Variants in EYA1 observed in about 807,000 individuals in gnomAD.
EYA1 encodes the protein EYA transcriptional coactivator and phosphatase 1.
A neutral mutation model predicts 82.0 loss-of-function variants in EYA1; 16 were observed. That is an observed-to-expected ratio of 0.20 (90% CI 0.13 to 0.30). The LOEUF (loss-of-function observed/expected upper bound fraction) is 0.30. Among genes scored for constraint, EYA1 ranks in the 10% least tolerant of loss-of-function variants. The probability of loss-of-function intolerance (pLI) is 1.00; values close to 1 mark genes in which losing one functional copy is unlikely to be tolerated. For synonymous variants in EYA1, 261 were observed against 264.4 expected (o/e 0.99, Z 0.12); for missense variants, 633 against 730.7 (o/e 0.87, Z 1.54).
At chr8:71,467,418 G>C (rs1331743866) in intron 2 of EYA1, among the ~76,000 whole-genome samples, 1 of 152,068 alleles carries the variant, frequency 6.6e-6, no homozygotes, top group Non-Finnish European at 1.5e-5. Flanking sequence ...TTTCTTCTAA[G>C]AAGGAACAAT....
In EYA1 at chr8:71,381,999, T is replaced by C. The variant is rs114817757; in HGVS notation, c.34-25488A>G. Among the ~76,000 whole-genome samples the C allele has an allele frequency of 1.4e-3, 207 of 152,350 alleles. 1 individual carries two copies. Among genetic ancestry groups the C allele is most frequent in the African/African-American group, 4.8e-3 (199 of 41,580 alleles). On this transcript the variant is annotated intron_variant, in intron 2 of 18. Transcript: ENST00000643681. ...TTGTTTTACATCAGGCTAAGCATGT[T>C]ATGAATCTGCATTTTCATTATACAT...
intron 2 of EYA1, among the ~76,000 whole-genome samples, chr8:71,389,305 G>T (rs1460231021): frequency 6.6e-6 from 1 of 152,076 alleles, no homozygotes; most frequent in South Asian, 2.1e-4. Context: ...TTTGTTAAAT[G>T]ATATTTATTT....
chr8:71,312,809 C>T (rs1821493705), intron 7 of EYA1, among the ~76,000 whole-genome samples: 1 of 152,170 alleles, frequency 6.6e-6, no homozygotes, highest in South Asian at 2.1e-4. Context: ...TAGGTTAGTC[C>T]TTGGCATATA....
chr8:71,510,177 C>T (rs1254951425), intron 2 of EYA1, among the ~76,000 whole-genome samples: 1 of 152,064 alleles, frequency 6.6e-6, no homozygotes, highest in African/African-American at 2.4e-5. Flanking sequence ...CATACTTTAT[C>T]ATGTATTCAT....
At chr8:71,419,663 G>A (rs1210772034) in intron 2 of EYA1, among the ~76,000 whole-genome samples, 3 of 151,930 alleles carry the variant, frequency 2.0e-5, no homozygotes, top group Non-Finnish European at 4.4e-5. Context: ...TTATTATTTT[G>A]AAATTTTCCA....
intron 2 of EYA1, among the ~76,000 whole-genome samples, chr8:71,504,492 A>G (rs375657941): frequency 2.0e-5 from 3 of 152,224 alleles, no homozygotes; most frequent in East Asian, 1.9e-4. Context: ...TTAATTTTAT[A>G]TGTATTTAAA....
intron 1 of EYA1, chr8:71,356,722 T>G: frequency 8.1e-7 from 1 of 1,235,504 alleles, no homozygotes; most frequent in Non-Finnish European, 1.0e-6. Context: ...CCTCCCCTTG[T>G]CAGGGGGGGA....
At chr8:71,470,066 GAAAC>G (rs1304820989) in intron 2 of EYA1, among the ~76,000 whole-genome samples, 1 of 151,912 alleles carries the variant, frequency 6.6e-6, no homozygotes, top group Non-Finnish European at 1.5e-5. Context: ...TTACTTACAA[GAAAC>G]AAACAAAAAA....
chr8:71,357,741 T>C (rs1827024624), intron 1 of EYA1, among the ~76,000 whole-genome samples: 1 of 152,218 alleles, frequency 6.6e-6, no homozygotes, highest in Non-Finnish European at 1.5e-5. Flanking sequence ...ACTGTCTTGG[T>C]ATAATGTTAC....
intron 10 of EYA1, 24 bp from the exon 11 acceptor site, chr8:71,269,847 T>C (rs1005994070): frequency 5.0e-6 from 8 of 1,586,796 alleles, no homozygotes; most frequent in African/African-American, 1.3e-5. Context: ...ACCAAATCAA[T>C]GTGTCTTTGC....
intron 2 of EYA1, among the ~76,000 whole-genome samples, chr8:71,440,530 G>T (rs966465333): frequency 6.6e-6 from 1 of 152,186 alleles, no homozygotes; most frequent in Non-Finnish European, 1.5e-5. Context: ...GCTATGTCAG[G>T]ATGGCCCATT....
intron 2 of EYA1, among the ~76,000 whole-genome samples, chr8:71,473,337 AAC>A (rs1809377696): frequency 6.7e-6 from 1 of 148,728 alleles, no homozygotes; most frequent in Admixed American, 6.8e-5. Flanking sequence ...ATCTACAAAG[AAC>A]TTAAACAAAT....
At position 71,275,159 on chromosome 8, in the gene EYA1, T is replaced by C. The variant is rs189097922; in HGVS notation, c.827-3262A>G. ...AATGGGAGACCGGCCAGGAGGATAA[T>C]TCAGTGATCCAGGTGAGGGATGGTG... On this transcript the variant is annotated intron_variant, in intron 9 of 17. Coordinates refer to ENST00000340726, the MANE Select transcript of EYA1 (RefSeq NM_000503.6). Among the ~76,000 whole-genome samples the C allele has an allele frequency of 2.0e-3, 311 of 152,078 alleles. 1 individual carries two copies. The highest frequency in any genetic ancestry group is 0.01 in the Middle Eastern group (3 of 294).
intron 6 of EYA1, among the ~76,000 whole-genome samples, chr8:71,318,772 C>T (rs547336294): frequency 3.9e-5 from 6 of 152,248 alleles, no homozygotes; most frequent in East Asian, 1.9e-4. Flanking sequence ...CAGCAGAGTA[C>T]AGCTAGGTAA....
At chr8:71,510,914 T>C (rs532108697) in intron 2 of EYA1, among the ~76,000 whole-genome samples, 1 of 152,366 alleles carries the variant, frequency 6.6e-6, no homozygotes, top group South Asian at 2.1e-4. Context: ...TTTGAAATAT[T>C]TATTTTTTTG....
intron 3 of EYA1, among the ~76,000 whole-genome samples, chr8:71,344,458 C>T (rs1825492174): frequency 6.6e-6 from 1 of 152,280 alleles, no homozygotes; most frequent in African/African-American, 2.4e-5. Flanking sequence ...ACAAGCAGTA[C>T]ATTGTTTGCT....
At chr8:71,416,996 C>T (rs1375444945) in intron 2 of EYA1, among the ~76,000 whole-genome samples, 3 of 152,136 alleles carry the variant, frequency 2.0e-5, no homozygotes, top group Non-Finnish European at 2.9e-5. Flanking sequence ...TAATCAGCTG[C>T]CACCACTTCC....
chr8:71,316,957 C>T (rs2129023821), intron 7 of EYA1, among the ~76,000 whole-genome samples: 1 of 152,294 alleles, frequency 6.6e-6, no homozygotes, highest in Admixed American at 6.5e-5. Context: ...CTTGTACTTA[C>T]ATTATGTTTT....
rs577497622 is a variant in EYA1 at position 71,206,518 on chromosome 8, G to A, written c.1698+4638C>T. On this transcript the variant is annotated intron_variant, in intron 17 of 17. Coordinates refer to ENST00000340726, the MANE Select transcript of EYA1 (RefSeq NM_000503.6). Reference sequence around the variant, plus strand: ...TTACAAGTGTGAGCCACCACTCTCCGACTGCAGAAACTTTTCACTAAATCT... The same window carrying A: ...TTACAAGTGTGAGCCACCACTCTCCAACTGCAGAAACTTTTCACTAAATCT... Among the ~76,000 whole-genome samples the A allele has an allele frequency of 3.4e-4, 52 of 152,192 alleles. No individual in the cohort carries two copies. In the Middle Eastern group the frequency reaches 0.01, roughly 30 times the overall value.
Sources: gnomAD v4.1 joint callset for allele counts (sites outside exome capture counted in the v4.1 genomes callset) on GRCh38, gnomAD v4.1.1 for gene constraint, MANE v1.5 for transcripts, NCBI Gene and HGNC (gene_info 2026-07-23, HGNC 2026-07-21) for gene names.